The following SLC17A6 variants were observed in gnomAD, a reference collection of about 807,000 sequenced individuals.
The protein encoded by SLC17A6 is solute carrier family 17 member 6, also known as vesicular glutamate transporter 2.
A neutral mutation model predicts 67.1 loss-of-function variants in SLC17A6; 35 were observed. The observed-to-expected ratio is 0.52, with a 90% CI of 0.40 to 0.69. The LOEUF (loss-of-function observed/expected upper bound fraction) is 0.69. Ranked by LOEUF, SLC17A6 falls within the 30% of genes least tolerant of loss-of-function variation. SLC17A6 has a pLI of 0.00. For missense variants in SLC17A6, 588 were observed against 723.9 expected (o/e 0.81, Z 2.15); for synonymous variants, 285 against 252.3 (o/e 1.13, Z -1.23).
intron 4 of SLC17A6, among the ~76,000 whole-genome samples, chr11:22,360,474 A>T (rs959537400): frequency 1.3e-5 from 2 of 151,880 alleles, no homozygotes; most frequent in African/African-American, 4.8e-5. Context: ...TGTACCCCAG[A>T]ACTTAAAAAA....
chr11:22,341,866 C>T (rs1198666146), intron 2 of SLC17A6, 86 bp downstream of exon 2: 3 of 1,537,842 alleles, frequency 2.0e-6, no homozygotes, highest in East Asian at 2.3e-5. Context: ...CCCGTTCCCC[C>T]GCCACTGAGA....
At chr11:22,352,246 A>C (rs527855900) in intron 3 of SLC17A6, among the ~76,000 whole-genome samples, 121 of 152,316 alleles carry the variant, frequency 7.9e-4, no homozygotes, top group African/African-American at 2.8e-3. Flanking sequence ...GACTGAGGCC[A>C]CACTGGGTCA....
intron 6 of SLC17A6, among the ~76,000 whole-genome samples, chr11:22,365,118 C>A (rs1238472687): frequency 6.6e-6 from 1 of 152,088 alleles, no homozygotes; most frequent in Non-Finnish European, 1.5e-5. Flanking sequence ...GGAAATGCAA[C>A]CACTTTTATA....
In SLC17A6 at chr11:22,359,501, G is replaced by A. The variant is rs79467187; in HGVS notation, c.547G>A (p.Val183Ile). The change falls in exon 4 of 12, where the codon GTC (valine) becomes ATC (isoleucine). Residue 183 changes from valine (V) to isoleucine (I), a missense_variant. Physicochemically the swap from Val to Ile is conservative, Grantham distance 29 (BLOSUM62 3). This residue lies in a region of SLC17A6 where 414 missense variants were observed against 563.4 expected (regional missense o/e 0.73). Transcript: ENST00000263160. ...ARVHYGCVIF[V>I]RILQGLVEGV... ...AGTGCATTATGGATGTGTCATCTTT[G>A]TCAGAATACTGCAGGGACTTGTTGA... is the stretch of plus-strand genomic sequence containing the variant. 1.2e-6 allele frequency: 2 copies of A among 1,604,294 alleles called. No homozygotes were observed.
intron 6 of SLC17A6, among the ~76,000 whole-genome samples, chr11:22,364,286 A>T (rs574470543): frequency 1.3e-5 from 2 of 152,246 alleles, no homozygotes; most frequent in South Asian, 4.1e-4. Flanking sequence ...AGTGGTAATG[A>T]TAATTATTAT....
At chr11:22,374,947 G>A in intron 9 of SLC17A6, 60 bp downstream of exon 9, 1 of 1,457,238 alleles carries the variant, frequency 6.9e-7, no homozygotes, top group Non-Finnish European at 9.1e-7. Flanking sequence ...ACCTACATGA[G>A]AGAATAACTT....
At chr11:22,349,833 C>G (rs776302229) in intron 3 of SLC17A6, among the ~76,000 whole-genome samples, 21 of 152,162 alleles carry the variant, frequency 1.4e-4, no homozygotes, top group Admixed American at 2.0e-4. Context: ...AGGGAGGCAT[C>G]CAAGCCCTGA....
chr11:22,361,830 A>G (rs1856055528), intron 5 of SLC17A6, among the ~76,000 whole-genome samples: 1 of 152,196 alleles, frequency 6.6e-6, no homozygotes, highest in Non-Finnish European at 1.5e-5. Flanking sequence ...AAGGCAAGAG[A>G]GCAATTCCCT....
chr11:22,339,534 C>T (rs1855788421), intron 1 of SLC17A6, among the ~76,000 whole-genome samples: 1 of 152,014 alleles, frequency 6.6e-6, no homozygotes, highest in Non-Finnish European at 1.5e-5. Context: ...ATTTGCAAAA[C>T]TTTAAATCAT....
chr11:22,341,839 A>G, intron 2 of SLC17A6, 59 bp downstream of exon 2: 3 of 1,584,550 alleles, frequency 1.9e-6, no homozygotes, highest in Non-Finnish European at 2.6e-6. Flanking sequence ...TCGCAAAACC[A>G]CATCTCCTGT....
At chr11:22,350,884 G>A (rs1283790915) in intron 3 of SLC17A6, among the ~76,000 whole-genome samples, 3 of 152,010 alleles carry the variant, frequency 2.0e-5, no homozygotes, top group Non-Finnish European at 2.9e-5. Flanking sequence ...GTTTTACTGA[G>A]TTTACTGTTA....
At chr11:22,342,244 C>T (rs750587594) in intron 2 of SLC17A6, among the ~76,000 whole-genome samples, 4 of 152,140 alleles carry the variant, frequency 2.6e-5, no homozygotes, top group African/African-American at 4.8e-5. Context: ...AGTGGTCTTT[C>T]GGAAGGTTTA....
intron 6 of SLC17A6, among the ~76,000 whole-genome samples, chr11:22,365,022 C>T (rs1856094578): frequency 6.6e-6 from 1 of 152,100 alleles, no homozygotes; most frequent in Non-Finnish European, 1.5e-5. Context: ...GCCACTCATG[C>T]TAAAATATTC....
At chr11:22,370,462 G>A (rs935334413) in intron 8 of SLC17A6, among the ~76,000 whole-genome samples, 3 of 152,056 alleles carry the variant, frequency 2.0e-5, no homozygotes, top group Middle Eastern at 6.8e-3. Context: ...AGCGAGCAGC[G>A]GTGTAATCTT....
chr11:22,342,855 C>T, intron 2 of SLC17A6: 4 of 435,766 alleles, frequency 9.2e-6, no homozygotes, highest in South Asian at 6.7e-5. Flanking sequence ...CACTACACTA[C>T]TGTGTCTGCA....
chr11:22,375,914 T>G (rs1183775977), intron 9 of SLC17A6, 68 bp from the exon 10 acceptor site: 2 of 984,420 alleles, frequency 2.0e-6, no homozygotes, highest in Non-Finnish European at 3.1e-6. Context: ...GGAACATTTT[T>G]AGCAGTTTTG....
chr11:22,378,373 A>G lies in SLC17A6; in HGVS notation c.*633A>G, dbSNP rs1856255561. 1 of 152,648 alleles carries G rather than the reference A, an allele frequency of 6.6e-6. No individual in the cohort carries two copies. Among genetic ancestry groups the G allele is most frequent in the African/African-American group, 2.4e-5 (1 of 41,460 alleles). The allele number at this position is 152,648 out of a possible 1,614,324, so 9.5% of individuals were successfully genotyped here. On this transcript the variant is annotated 3_prime_UTR_variant, in exon 12 of 12. Transcript: ENST00000263160. ...AACACTTATTTCTGTGAAAGAGAAC[A>G]TGTAAGTTGAGGGGTATGCTTCATG...
At chr11:22,344,648 G>C (rs571864023) in intron 3 of SLC17A6, among the ~76,000 whole-genome samples, 19 of 152,034 alleles carry the variant, frequency 1.2e-4, no homozygotes, top group Non-Finnish European at 2.2e-4. Context: ...TAGACAAACA[G>C]TCCCTTTAAA....
At chr11:22,340,387 G>A (rs1855801939) in intron 1 of SLC17A6, among the ~76,000 whole-genome samples, 1 of 152,190 alleles carries the variant, frequency 6.6e-6, no homozygotes, top group South Asian at 2.1e-4. Context: ...TTGTAGACTA[G>A]AACACTACCA....
Sources: gnomAD v4.1 joint callset for allele counts (sites outside exome capture counted in the v4.1 genomes callset) on GRCh38, gnomAD v4.1.1 for gene constraint, gnomAD v4.1.1 regional missense constraint, MANE v1.5 for transcripts, NCBI Gene and HGNC (gene_info 2026-07-23, HGNC 2026-07-21) for gene names.